The following BPNT1 variants were observed in gnomAD, a reference collection of about 807,000 sequenced individuals.
The protein encoded by BPNT1 is 3'(2'), 5'-bisphosphate nucleotidase 1.
In BPNT1, 28 loss-of-function variants were observed where a neutral mutation model predicts 36.9. The ratio of observed to expected loss-of-function variants is 0.76; its 90% confidence interval spans 0.56 to 1.04. BPNT1 has a LOEUF of 1.04. BPNT1 is among the 50% of genes least tolerant of loss of function. The pLI is 0.00. For synonymous variants in BPNT1, 119 were observed against 130.9 expected, an observed-to-expected ratio of 0.91 and a Z score of 0.62; for missense variants, 313 against 372.9, an observed-to-expected ratio of 0.84 and a Z score of 1.32.
chr1:220,061,482 C>T (rs1478999897), intron 7 of BPNT1, among the ~76,000 whole-genome samples: 2 of 146,900 alleles, frequency 1.4e-5, no homozygotes, highest in Non-Finnish European at 3.0e-5. Flanking sequence ...TGCAGTGAGC[C>T]GAGATTGTGC....
At chr1:220,087,545 C>G (rs1216364500) in intron 1 of BPNT1, among the ~76,000 whole-genome samples, 1 of 151,854 alleles carries the variant, frequency 6.6e-6, no homozygotes, top group Admixed American at 6.6e-5. Flanking sequence ...GGTGACAGAG[C>G]GAGATTCCGT....
chr1:220,073,395 T>A (rs942830567), intron 3 of BPNT1, among the ~76,000 whole-genome samples: 1 of 152,066 alleles, frequency 6.6e-6, no homozygotes, highest in African/African-American at 2.4e-5. Context: ...GTCAAGCAGT[T>A]CTCCTTCCTC....
At chr1:220,060,183 A>G (rs1478727930) in intron 7 of BPNT1, among the ~76,000 whole-genome samples, 1 of 152,148 alleles carries the variant, frequency 6.6e-6, no homozygotes, top group African/African-American at 2.4e-5. Context: ...AAAATTGACC[A>G]TTTATTAGAG....
chr1:220,082,180 T>TA (rs1553263548), intron 1 of BPNT1, among the ~76,000 whole-genome samples: 46 of 144,326 alleles, frequency 3.2e-4, no homozygotes, highest in East Asian at 4.0e-4. Context: ...TTTATATTTT[T>TA]TATATATATA....
intron 2 of BPNT1, among the ~76,000 whole-genome samples, chr1:220,078,548 A>T (rs191012875): frequency 0.077 from 9,778 of 127,086 alleles, 458 homozygotes; most frequent in South Asian, 0.15. Flanking sequence ...ATATATTATA[A>T]TTATATATAA....
chr1:220,072,627 T>C (rs918467961), intron 4 of BPNT1, among the ~76,000 whole-genome samples: 1 of 152,156 alleles, frequency 6.6e-6, no homozygotes, highest in African/African-American at 2.4e-5. Flanking sequence ...AAAAGTATTT[T>C]AAATAACGGT....
chr1:220,059,740 C>A lies in BPNT1; in HGVS notation c.724G>T (p.Gly242Cys), dbSNP rs747113136. The A allele has an allele frequency of 6.2e-7, 1 of 1,610,874 alleles. No individual in the cohort carries two copies. The highest frequency in any genetic ancestry group is 1.7e-5 in the Admixed American group (1 of 59,324). ...GCACAAGTATCCCACTTCTTACAAC[C>A]AGGACTTGCAAATACATAAGCAGAG... is the stretch of plus-strand genomic sequence containing the variant. ...KASAYVFASP[G>C]CKKWDTCAPE... is the part of the protein sequence containing the mutation. Residue 242 changes from glycine (G) to cysteine (C), a missense_variant, in exon 8 of 9, where the codon GGT (glycine) becomes TGT (cysteine). By Grantham distance (159) the Gly-to-Cys change is radical (BLOSUM62 -3). Transcript: ENST00000322067.
intron 6 of BPNT1, among the ~76,000 whole-genome samples, chr1:220,063,240 T>C (rs1663225673): frequency 6.6e-6 from 1 of 151,942 alleles, no homozygotes. Context: ...CCCAGCTACT[T>C]GGGAGGCTGA....
chr1:220,066,187 T>A, intron 6 of BPNT1: 1 of 1,178,948 alleles, frequency 8.5e-7, no homozygotes, highest in Non-Finnish European at 1.2e-6. Flanking sequence ...CCTAAGCACT[T>A]AGATTTTTTC....
intron 8 of BPNT1, 98 bp from the exon 9 acceptor site, chr1:220,059,090 T>A (rs1662772692): frequency 1.7e-6 from 2 of 1,203,764 alleles, no homozygotes; most frequent in South Asian, 1.4e-5. Context: ...TATCCAATAG[T>A]AGCCAATAAA....
chr1:220,078,419 A>T (rs934836717), intron 2 of BPNT1, among the ~76,000 whole-genome samples: 1 of 142,682 alleles, frequency 7.0e-6, no homozygotes, highest in African/African-American at 2.5e-5. Flanking sequence ...AATTTATAAT[A>T]ATAAATAATA....
At chr1:220,073,927 T>C (rs1156633053) in intron 3 of BPNT1, 40 bp downstream of exon 3, 1 of 1,539,388 alleles carries the variant, frequency 6.5e-7, no homozygotes, top group Non-Finnish European at 9.0e-7. Context: ...ATCCATTTGG[T>C]AAACAGAGAT....
intron 4 of BPNT1, among the ~76,000 whole-genome samples, chr1:220,070,955 T>C (rs1664009722): frequency 6.7e-6 from 1 of 149,240 alleles, no homozygotes; most frequent in Non-Finnish European, 1.5e-5. Flanking sequence ...CTGACCAACA[T>C]GGAGAATCCC....
rs3055555 is a variant in BPNT1, at chr1:220,082,085, TAGAGAGAG to T, written c.-8-2239_-8-2232del. On this transcript the variant is annotated intron_variant, in intron 1 of 8. Transcript: ENST00000322067. The stretch of plus-strand genomic sequence containing the variant: ...GACAATATATATATATATATATATA[TAGAGAGAG>T]AGAGAGAGAGAGAGAGAGAGAGAGA... Among the ~76,000 whole-genome samples, 685 of 103,244 alleles carry T rather than the reference TAGAGAGAG, an allele frequency of 6.6e-3. 4 individuals are homozygous for T. Among genetic ancestry groups the T allele is most frequent in the African/African-American group, 0.014 (364 of 26,216 alleles). The allele number at this position is 103,244 out of a possible 152,430, so 67.7% of individuals were successfully genotyped here. A position where few individuals can be genotyped will look rare whatever the true frequency, so the allele number is the denominator to read the frequency against.
At chr1:220,086,434 G>C (rs1470935288) in intron 1 of BPNT1, among the ~76,000 whole-genome samples, 1 of 151,944 alleles carries the variant, frequency 6.6e-6, no homozygotes, top group Non-Finnish European at 1.5e-5. Flanking sequence ...ACCACGCCTG[G>C]CTAATTTTTT....
intron 4 of BPNT1, among the ~76,000 whole-genome samples, chr1:220,069,652 T>C (rs892115597): frequency 1.3e-5 from 2 of 152,128 alleles, no homozygotes; most frequent in African/African-American, 4.8e-5. Context: ...TTAAGAATTT[T>C]CAGGCCAAGC....
chr1:220,082,085 T>TATATATATATAGAGAG (rs1171093697), intron 1 of BPNT1, among the ~76,000 whole-genome samples: 6 of 103,276 alleles, frequency 5.8e-5, no homozygotes, highest in African/African-American at 2.3e-4. Context: ...TATATATATA[T>TATATATATATAGAGAG]AGAGAGAGAG....
At chr1:220,067,470 G>C in intron 5 of BPNT1, 77 bp from the exon 6 acceptor site, 1 of 993,386 alleles carries the variant, frequency 1.0e-6, no homozygotes. Context: ...ATTGCTCCAA[G>C]TTAGTTTTGC....
At position 220,074,087 on chromosome 1, in the gene BPNT1, C is replaced by G; in HGVS notation, c.121-16G>C. On this transcript the variant is annotated splice_polypyrimidine_tract_variant and intron_variant, in intron 2 of 8. Coordinates refer to ENST00000322067, the MANE Select transcript of BPNT1 (RefSeq NM_006085.6). The stretch of plus-strand genomic sequence containing the variant: ...TTGCACAGGTCTGTAATAAAGAATG[C>G]AAATTTTAGCAGAGCTAATGAAAAA... 6.2e-7 allele frequency: 1 copy of G among 1,603,254 alleles called. No homozygotes were observed. The highest frequency in any genetic ancestry group is 8.5e-7 in the Non-Finnish European group (1 of 1,175,396).
Sources: allele counts gnomAD v4.1 joint callset (sites outside exome capture counted in the v4.1 genomes callset), GRCh38; gene constraint gnomAD v4.1.1; transcripts MANE v1.5; gene names NCBI Gene and HGNC (gene_info 2026-07-23, HGNC 2026-07-21).